Variants in EIF4E observed in about 807,000 individuals in gnomAD.
EIF4E encodes the protein eIF-4F 25 kDa subunit.
For synonymous variants in EIF4E, 71 were observed against 88.5 expected, an observed-to-expected ratio of 0.80 and a Z score of 1.11; for missense variants, 113 against 265.6, an observed-to-expected ratio of 0.43 and a Z score of 3.99.
chr4:98,896,667 CAAAAAAAAAAA>C (rs61329973), intron 2 of EIF4E, among the ~76,000 whole-genome samples: 10 of 47,680 alleles, frequency 2.1e-4, no homozygotes, highest in Non-Finnish European at 3.1e-4. Flanking sequence ...ATGTCTCTTC[CAAAAAAAAAAA>C]AAAAAAAAAA....
intron 2 of EIF4E, among the ~76,000 whole-genome samples, chr4:98,896,784 C>T (rs1294143949): frequency 1.3e-5 from 2 of 151,076 alleles, no homozygotes; most frequent in African/African-American, 4.9e-5. Flanking sequence ...TCAAGGCCAG[C>T]CTGGGAAATA....
At chr4:98,894,256 A>T (rs568508357) in intron 2 of EIF4E, among the ~76,000 whole-genome samples, 2 of 152,342 alleles carry the variant, frequency 1.3e-5, no homozygotes, top group South Asian at 4.1e-4. Flanking sequence ...TTCAACTTAA[A>T]GTCATTGGCT....
At chr4:98,908,617 T>TG (rs1389657725) in intron 1 of EIF4E, among the ~76,000 whole-genome samples, 1 of 152,188 alleles carries the variant, frequency 6.6e-6, no homozygotes, top group African/African-American at 2.4e-5. Flanking sequence ...AAAAGGATGG[T>TG]GCTTTATGAT....
intron 1 of EIF4E, among the ~76,000 whole-genome samples, chr4:98,922,598 A>AT (rs1725695603): frequency 6.6e-6 from 1 of 151,948 alleles, no homozygotes; most frequent in Non-Finnish European, 1.5e-5. Flanking sequence ...TATGTAAAGC[A>AT]TTCAGTGTGG....
chr4:98,879,779 T>TA lies in EIF4E; in HGVS notation c.*1248dup, dbSNP rs1379896630. 1.3e-5 allele frequency: 2 copies of TA among 152,242 alleles called. No homozygotes were observed. Among genetic ancestry groups the TA allele is most frequent in the South Asian group, 2.1e-4 (1 of 4,828 alleles). The allele number at this position is 152,242 out of a possible 1,614,324, so 9.4% of individuals were successfully genotyped here. On this transcript the variant is annotated 3_prime_UTR_variant, in exon 7 of 7. Coordinates refer to ENST00000450253, the MANE Select transcript of EIF4E (RefSeq NM_001968.5). ...ATCAGATCCCAATTCTCATGAGTATTAACATATTAAGAGAGTACATTATTT... is the reference window on the plus strand; with the variant it reads ...ATCAGATCCCAATTCTCATGAGTATTAAACATATTAAGAGAGTACATTATTT...
intron 2 of EIF4E, among the ~76,000 whole-genome samples, chr4:98,891,937 G>A (rs1004760677): frequency 1.2e-4 from 19 of 152,168 alleles, no homozygotes; most frequent in Non-Finnish European, 2.5e-4. Context: ...GCTATACCTA[G>A]AGACCCAAGA....
intron 3 of EIF4E, among the ~76,000 whole-genome samples, chr4:98,889,104 A>C (rs1724041632): frequency 6.6e-6 from 1 of 151,938 alleles, no homozygotes; most frequent in East Asian, 1.9e-4. Context: ...GGTTGCAGTG[A>C]GCCGAGATCA....
intron 1 of EIF4E, chr4:98,909,763 T>C: frequency 1.4e-6 from 1 of 704,420 alleles, no homozygotes; most frequent in South Asian, 1.5e-5. Flanking sequence ...TTCCTTCTTG[T>C]TTTGCTTCTT....
intron 2 of EIF4E, among the ~76,000 whole-genome samples, chr4:98,899,673 G>A (rs1384063790): frequency 1.3e-5 from 2 of 152,118 alleles, no homozygotes; most frequent in Non-Finnish European, 2.9e-5. Flanking sequence ...ATATATGGTG[G>A]TATATCAATA....
intron 1 of EIF4E, among the ~76,000 whole-genome samples, chr4:98,912,782 G>A (rs1725210166): frequency 6.6e-6 from 1 of 152,060 alleles, no homozygotes. Flanking sequence ...GAATTTAACT[G>A]CTATTTAAAC....
chr4:98,926,706 C>G (rs1383499657), intron 1 of EIF4E, among the ~76,000 whole-genome samples: 2 of 152,186 alleles, frequency 1.3e-5, no homozygotes, highest in African/African-American at 4.8e-5. Flanking sequence ...TGTACCAGAA[C>G]AAATACTGTA....
At chr4:98,885,475 T>C (rs1992569) in intron 5 of EIF4E, among the ~76,000 whole-genome samples, 28,988 of 152,120 alleles carry the variant, frequency 0.19, 3,677 homozygotes, top group Non-Finnish European at 0.28. Context: ...TGAGACAGGG[T>C]CTTGCTCTGT....
At chr4:98,896,275 G>A (rs1724383265) in intron 2 of EIF4E, among the ~76,000 whole-genome samples, 2 of 151,384 alleles carry the variant, frequency 1.3e-5, no homozygotes, top group Admixed American at 1.3e-4. Flanking sequence ...TGGAGGCCAA[G>A]GCAGGAGGAT....
chr4:98,912,093 A>G (rs1725169866), intron 1 of EIF4E, among the ~76,000 whole-genome samples: 1 of 151,810 alleles, frequency 6.6e-6, no homozygotes. Flanking sequence ...TCTCTACCAA[A>G]AACACAAAAT....
chr4:98,908,327 T>C (rs949816909), intron 1 of EIF4E, among the ~76,000 whole-genome samples: 1 of 152,168 alleles, frequency 6.6e-6, no homozygotes. Flanking sequence ...GACACAAAAA[T>C]ATAAACGTGT....
chr4:98,921,255 C>G (rs1269417769), intron 1 of EIF4E, among the ~76,000 whole-genome samples: 2 of 152,068 alleles, frequency 1.3e-5, no homozygotes. Context: ...AACTTTCTTG[C>G]CTTAGTTAAT....
intron 1 of EIF4E, 186 bp downstream of exon 1, chr4:98,928,909 T>C (rs1299361080): frequency 2.6e-6 from 4 of 1,562,996 alleles, no homozygotes; most frequent in Non-Finnish European, 3.5e-6. Flanking sequence ...AAGTGTGCGC[T>C]ACACGCCGCC....
intron 1 of EIF4E, chr4:98,909,762 GT>G (rs1560647910): frequency 4.3e-6 from 3 of 703,682 alleles, no homozygotes; most frequent in Non-Finnish European, 2.6e-6. Flanking sequence ...TTTCCTTCTT[GT>G]TTTGCTTCTT....
intron 6 of EIF4E, among the ~76,000 whole-genome samples, chr4:98,882,577 T>C (rs987756847): frequency 2.6e-5 from 4 of 151,964 alleles, no homozygotes; most frequent in Non-Finnish European, 5.9e-5. Context: ...CCCCCTAAAA[T>C]AAGGTATTAA....
Sources: allele counts gnomAD v4.1 joint callset (sites outside exome capture counted in the v4.1 genomes callset), GRCh38; gene constraint gnomAD v4.1.1; transcripts MANE v1.5; gene names NCBI Gene and HGNC (gene_info 2026-07-23, HGNC 2026-07-21).